The following ABLIM2 variants were observed in gnomAD, a reference collection of about 807,000 sequenced individuals.
ABLIM2 encodes actin binding LIM protein family member 2, also known as actin-binding LIM protein 2.
In ABLIM2, 53 loss-of-function variants were observed where a neutral mutation model predicts 97.7. The observed-to-expected ratio is 0.54, with a 90% CI of 0.44 to 0.68. The LOEUF (loss-of-function observed/expected upper bound fraction) is 0.68. ABLIM2 is among the 30% of genes least tolerant of loss of function. The pLI is 0.00. For synonymous variants in ABLIM2, 361 were observed against 345.8 expected, an observed-to-expected ratio of 1.04 and a Z score of -0.49; for missense variants, 835 against 867.2, an observed-to-expected ratio of 0.96 and a Z score of 0.47.
rs540524692 is a variant in ABLIM2, at chr4:7,991,402, C to T, written c.1680+1464G>A. Among the ~76,000 whole-genome samples, 7 of 69,660 alleles carry T rather than the reference C, an allele frequency of 1.0e-4. No individual in the cohort carries two copies. In the East Asian group the frequency reaches 3.7e-3, roughly 37 times the overall value. The allele number at this position is 69,660 out of a possible 152,430, so 45.7% of individuals were successfully genotyped here. A position where few individuals can be genotyped will look rare whatever the true frequency, so the allele number is the denominator to read the frequency against. ...GGATGGTGGAACACCTTGGCTTGGT[C>T]GGACTGTGAACACTGTGCTCACCAG... On this transcript the variant is annotated intron_variant, in intron 17 of 20. Transcript: ENST00000447017.
At chr4:7,994,496 C>CTTACACCTTATACAA (rs1751681435) in intron 16 of ABLIM2, among the ~76,000 whole-genome samples, 1 of 49,816 alleles carries the variant, frequency 2.0e-5, no homozygotes, top group African/African-American at 5.3e-5. Flanking sequence ...TCCAGTCTAT[C>CTTACACCTTATACAA]ATTGTTGGAC....
intron 8 of ABLIM2, among the ~76,000 whole-genome samples, chr4:8,053,700 T>C (rs768792494): frequency 6.6e-6 from 1 of 152,160 alleles, no homozygotes; most frequent in Non-Finnish European, 1.5e-5. Flanking sequence ...TTTGTGACAG[T>C]GTTGGAGGTG....
At chr4:7,987,719 C>A (rs540785418) in intron 17 of ABLIM2, among the ~76,000 whole-genome samples, 19 of 152,156 alleles carry the variant, frequency 1.2e-4, no homozygotes, top group Non-Finnish European at 2.5e-4. Context: ...GACTCTAGGA[C>A]GGAGATGAGG....
chr4:8,072,017 C>G lies in ABLIM2; in HGVS notation c.675+5611G>C. On this transcript the variant is annotated intron_variant, in intron 6 of 20. Transcript: ENST00000447017. This position sits in a 1 kb window ranked among gnomAD's most constrained non-coding sequence, Gnocchi z 5.8. The stretch of plus-strand genomic sequence containing the variant: ...GCCAGGCTTGTCCCCGCCCGCAGTT[C>G]CCACCTTGCACCCGGGGAGGATGCT... 2 of 985,470 alleles carry G rather than the reference C, an allele frequency of 2.0e-6. No homozygotes were observed. The highest frequency in any genetic ancestry group is 2.4e-6 in the Non-Finnish European group (2 of 829,972). 61.0% of individuals were successfully genotyped at this position (985,470 alleles called of 1,614,324 possible). A position where few individuals can be genotyped will look rare whatever the true frequency, so the allele number is the denominator to read the frequency against.
In ABLIM2 at chr4:8,068,095, C is replaced by CAGTA. The variant is rs147212213; in HGVS notation, c.676-7042_676-7041insTACT. On this transcript the variant is annotated intron_variant, in intron 6 of 20. Transcript: ENST00000447017. This position sits in a 1 kb window ranked among gnomAD's most constrained non-coding sequence, Gnocchi z 4.5. Reference sequence around the variant, plus strand: ...ATAGTGACTGGGGCGTCCCAGTCATCGGTACAGTGGCCACATCCTCCCAAT... The same window carrying CAGTA: ...ATAGTGACTGGGGCGTCCCAGTCATCAGTAGGTACAGTGGCCACATCCTCCCAAT... Among the ~76,000 whole-genome samples the CAGTA allele has an allele frequency of 0.028, 4,311 of 152,194 alleles. 194 individuals are homozygous for CAGTA. The highest frequency in any genetic ancestry group is 0.097 in the African/African-American group (4,027 of 41,506).
Position 8,147,989 on chromosome 4 carries a change from C to A in ABLIM2, c.10+10691G>T, listed in dbSNP as rs563323641. Reference sequence around the variant, plus strand: ...AGGCCCAATATCCCAGAAGAAGGGGCACGAGTCAGGGCCCAGCTGCAGACC... The same window carrying A: ...AGGCCCAATATCCCAGAAGAAGGGGAACGAGTCAGGGCCCAGCTGCAGACC... On this transcript the variant is annotated intron_variant, in intron 1 of 20. Coordinates refer to ENST00000447017, the MANE Select transcript of ABLIM2 (RefSeq NM_001130083.2). The surrounding 1 kb of genome is among the most constrained non-coding windows in gnomAD (Gnocchi z 5.3). Among the ~76,000 whole-genome samples the A allele has an allele frequency of 6.6e-6, 1 of 152,338 alleles. No homozygotes were observed. Among genetic ancestry groups the A allele is most frequent in the Admixed American group, 6.5e-5 (1 of 15,306 alleles).
rs1389355228 is a variant in ABLIM2, at chr4:8,122,735, T to A, written c.11-16098A>T. Among the ~76,000 whole-genome samples, 1 of 152,142 alleles carries A rather than the reference T, an allele frequency of 6.6e-6. No individual in the cohort carries two copies. The highest frequency in any genetic ancestry group is 2.4e-5 in the African/African-American group (1 of 41,432). ...TTGCCACTTTAGTCCACTTGCCACT[T>A]TAGTTCTTTTCATCCTGCACAGCTG... On this transcript the variant is annotated intron_variant, in intron 1 of 20. Coordinates refer to ENST00000447017, the MANE Select transcript of ABLIM2 (RefSeq NM_001130083.2). This position sits in a 1 kb window ranked among gnomAD's most constrained non-coding sequence, Gnocchi z 4.1.
chr4:7,968,266 G>A (rs1333735391), intron 20 of ABLIM2, among the ~76,000 whole-genome samples: 3 of 152,252 alleles, frequency 2.0e-5, no homozygotes, highest in Non-Finnish European at 4.4e-5. Flanking sequence ...TCTGTGGGGA[G>A]TTTTCTGTAG....
intron 20 of ABLIM2, among the ~76,000 whole-genome samples, chr4:7,978,742 C>T (rs538332903): frequency 8.5e-5 from 13 of 152,322 alleles, no homozygotes; most frequent in Admixed American, 1.3e-4. Context: ...CAGTAGTATT[C>T]GTGCTTGGGA....
intron 5 of ABLIM2, among the ~76,000 whole-genome samples, chr4:8,080,039 C>G (rs1418311638): frequency 1.3e-5 from 2 of 152,220 alleles, no homozygotes; most frequent in African/African-American, 4.8e-5. Context: ...AAAACCGACC[C>G]CCAGCTCCTG....
In ABLIM2 at chr4:8,124,683, C is replaced by T. The variant is rs942937773; in HGVS notation, c.11-18046G>A. Among the ~76,000 whole-genome samples the T allele has an allele frequency of 1.3e-5, 2 of 152,182 alleles. No individual in the cohort carries two copies. The highest frequency in any genetic ancestry group is 2.4e-5 in the African/African-American group (1 of 41,454). ...TGGATGAACTTTGGGGCTGTGTCTACTTTTTGGTGATTGTGAATAACACGG... is the reference window on the plus strand; with the variant it reads ...TGGATGAACTTTGGGGCTGTGTCTATTTTTTGGTGATTGTGAATAACACGG... On this transcript the variant is annotated intron_variant, in intron 1 of 20. Coordinates refer to ENST00000447017, the MANE Select transcript of ABLIM2 (RefSeq NM_001130083.2). This position sits in a 1 kb window ranked among gnomAD's most constrained non-coding sequence, Gnocchi z 6.1.
chr4:7,990,052 T>C (rs1420779268), intron 17 of ABLIM2, among the ~76,000 whole-genome samples: 1 of 152,182 alleles, frequency 6.6e-6, no homozygotes, highest in African/African-American at 2.4e-5. Flanking sequence ...CAAATCCTTC[T>C]GGAAGAACAC....
intron 17 of ABLIM2, among the ~76,000 whole-genome samples, chr4:7,988,570 T>C (rs961294823): frequency 3.3e-5 from 5 of 152,262 alleles, no homozygotes; most frequent in African/African-American, 7.2e-5. Flanking sequence ...GTCACCCTTC[T>C]TTCCTTGCTA....
rs761024221 is a variant in ABLIM2, at chr4:8,077,611, C to T, written c.675+17G>A. 2.5e-6 allele frequency: 4 copies of T among 1,590,506 alleles called. No individual in the cohort carries two copies. The highest frequency in any genetic ancestry group is 2.7e-5 in the African/African-American group (2 of 74,480). On this transcript the variant is annotated intron_variant, in intron 6 of 20. Transcript: ENST00000447017. ...CCCTAGCTCAGAGCGGGCAGGGGCCCGGCCCGCCGCGCTTACCTCCAGCAC... is the reference window on the plus strand; with the variant it reads ...CCCTAGCTCAGAGCGGGCAGGGGCCTGGCCCGCCGCGCTTACCTCCAGCAC...
rs2102816 is a variant in ABLIM2, at chr4:8,122,028, C to G, written c.11-15391G>C. On this transcript the variant is annotated intron_variant, in intron 1 of 20. Coordinates refer to ENST00000447017, the MANE Select transcript of ABLIM2 (RefSeq NM_001130083.2). This position sits in a 1 kb window ranked among gnomAD's most constrained non-coding sequence, Gnocchi z 4.1. The stretch of plus-strand genomic sequence containing the variant: ...TGAGCTAGTCCCACCAGGGACCCCA[C>G]TCTCTCTCCAGGCAGCTGCTGTGGT... 0.23 allele frequency among the ~76,000 whole-genome samples: 34,614 copies of G among 152,180 alleles called. 4,178 individuals are homozygous for G. The highest frequency in any genetic ancestry group is 0.28 in the Non-Finnish European group (18,875 of 67,996).
At chr4:8,079,946 G>A (rs952891265) in intron 5 of ABLIM2, among the ~76,000 whole-genome samples, 3 of 152,170 alleles carry the variant, frequency 2.0e-5, no homozygotes, top group South Asian at 2.1e-4. Context: ...GGAGCTGCCC[G>A]CCTTCAGCTC....
At position 8,088,245 on chromosome 4, in the gene ABLIM2, C is replaced by T; in HGVS notation, c.378G>A (p.Gly126=). ...AACACTTCTGGCACATGCATTCCTTCCCGTTGAAGGTCACTCGGTCCCCGG... is the reference window on the plus strand; with the variant it reads ...AACACTTCTGGCACATGCATTCCTTTCCGTTGAAGGTCACTCGGTCCCCGG... ...FPPGDRVTFN[G]KECMCQKCSL... is the part of the protein sequence containing the mutation. The change falls in exon 4 of 21, where the codon GGG becomes GGA. Residue 126 remains glycine, a synonymous_variant. Transcript: ENST00000447017. 1 of 1,613,128 alleles carries T rather than the reference C, an allele frequency of 6.2e-7. No individual in the cohort carries two copies. The highest frequency in any genetic ancestry group is 8.5e-7 in the Non-Finnish European group (1 of 1,179,654).
chr4:7,978,403 C>G (rs1423550045), intron 20 of ABLIM2, among the ~76,000 whole-genome samples: 1 of 152,162 alleles, frequency 6.6e-6, no homozygotes. Flanking sequence ...GATACATTTA[C>G]AAATGTTAAC....
chr4:8,057,514 C>G (rs1264082403), intron 7 of ABLIM2, among the ~76,000 whole-genome samples: 1 of 152,184 alleles, frequency 6.6e-6, no homozygotes, highest in Admixed American at 6.5e-5. Context: ...GTTTAGGGCT[C>G]TTGAGATTTT....
Sources: allele counts gnomAD v4.1 joint callset (sites outside exome capture counted in the v4.1 genomes callset), GRCh38; gene constraint gnomAD v4.1.1; non-coding constraint Gnocchi (gnomAD v3.1); transcripts MANE v1.5; gene names NCBI Gene and HGNC (gene_info 2026-07-23, HGNC 2026-07-21).